The following DAB1 variants were observed in gnomAD, a reference collection of about 807,000 sequenced individuals.
DAB1 encodes the protein DAB adaptor protein 1, also known as disabled homolog 1.
A neutral mutation model predicts 64.6 loss-of-function variants in DAB1; 15 were observed. That is an observed-to-expected ratio of 0.23 (90% CI 0.16 to 0.36). The LOEUF (loss-of-function observed/expected upper bound fraction) is 0.36, where lower values mean the gene tolerates loss of function less well. Among genes scored for constraint, DAB1 ranks in the 10% least tolerant of loss-of-function variants. The probability of loss-of-function intolerance (pLI) is 1.00; values close to 1 mark genes in which losing one functional copy is unlikely to be tolerated. For missense variants in DAB1, 596 were observed against 706.7 expected, an observed-to-expected ratio of 0.84 and a Z score of 1.78; for synonymous variants, 235 against 251.9, an observed-to-expected ratio of 0.93 and a Z score of 0.64.
intron 4 of DAB1, among the ~76,000 whole-genome samples, chr1:58,240,842 T>G (rs949532771): frequency 4.6e-5 from 7 of 152,152 alleles, no homozygotes; most frequent in Non-Finnish European, 8.8e-5. Flanking sequence ...AATACAAAGA[T>G]GAATAGAAAG....
intron 1 of DAB1, among the ~76,000 whole-genome samples, chr1:57,879,441 A>G (rs1557533249): frequency 6.6e-6 from 1 of 152,140 alleles, no homozygotes; most frequent in Non-Finnish European, 1.5e-5. Flanking sequence ...TTTTAAAATC[A>G]TGTTGTTGGT....
chr1:57,714,891 A>G (rs1047535633), intron 6 of DAB1, among the ~76,000 whole-genome samples: 1 of 152,198 alleles, frequency 6.6e-6, no homozygotes, highest in African/African-American at 2.4e-5. Context: ...ACAAGACTGA[A>G]AGAAAAGGGA....
chr1:57,014,822 C>T (rs903355905), intron 12 of DAB1, 61 bp downstream of exon 12: 22 of 1,412,824 alleles, frequency 1.6e-5, no homozygotes, highest in Middle Eastern at 1.9e-4. Flanking sequence ...CCAGAAACCC[C>T]GCCTCCAGAC....
At chr1:58,333,571 A>T (rs1663026674) in intron 4 of DAB1, among the ~76,000 whole-genome samples, 1 of 152,234 alleles carries the variant, frequency 6.6e-6, no homozygotes, top group Non-Finnish European at 1.5e-5. Flanking sequence ...CTTTTATTCT[A>T]ATTTCTTGCT....
intron 7 of DAB1, among the ~76,000 whole-genome samples, chr1:57,567,790 T>C (rs1022904598): frequency 6.6e-6 from 1 of 152,154 alleles, no homozygotes; most frequent in South Asian, 2.1e-4. Flanking sequence ...CACAAACAAA[T>C]GGAAGAACAT....
At chr1:57,098,813 T>C (rs1441993728) in intron 4 of DAB1, among the ~76,000 whole-genome samples, 1 of 152,214 alleles carries the variant, frequency 6.6e-6, no homozygotes, top group African/African-American at 2.4e-5. Flanking sequence ...CTAATCTTGA[T>C]TGCCCTGGGG....
chr1:57,548,379 C>T (rs1249791358), intron 7 of DAB1, among the ~76,000 whole-genome samples: 2 of 152,214 alleles, frequency 1.3e-5, no homozygotes, highest in Admixed American at 6.5e-5. Flanking sequence ...CCCATGACAG[C>T]GTTCACATTC....
chr1:57,424,333 A>ACGAGCGAGCGAGCGAG (rs548471057), upstream of DAB1, among the ~76,000 whole-genome samples: 6 of 144,904 alleles, frequency 4.1e-5, no homozygotes, highest in South Asian at 5.1e-4. Flanking sequence ...AGGTGGAAGA[A>ACGAGCGAGCGAGCGAG]CGAGCGAGCG....
At chr1:58,398,572 A>G (rs781245496) in intron 3 of DAB1, among the ~76,000 whole-genome samples, 2 of 152,256 alleles carry the variant, frequency 1.3e-5, no homozygotes, top group Non-Finnish European at 2.9e-5. Context: ...GAGAGCAGTT[A>G]CCACATTTTA....
rs567254374 is a variant in DAB1 at position 57,015,321 on chromosome 1, C to T, written c.1006G>A (p.Ala336Thr). Residue 336 changes from alanine to threonine, a missense_variant, in exon 12 of 15, where the codon GCT (alanine) becomes ACT (threonine). This residue lies in a region of DAB1 where 377 missense variants were observed against 400.4 expected (regional missense o/e 0.94). Transcript: ENST00000371236. ...GGCTGGCCCCATGCGATGGGCTGAG[C>T]CCCCGGCATCACCTGAGCGACTGGT... ...QPPVAQVMPG[A>T]QPIAWGQPGL... is the part of the protein sequence containing the mutation. 5.6e-6 allele frequency: 9 copies of T among 1,613,876 alleles called. No homozygotes were observed. Among genetic ancestry groups the T allele is most frequent in the Non-Finnish European group, 7.6e-6 (9 of 1,180,002 alleles).
chr1:57,641,866 C>T (rs1646134826), intron 7 of DAB1, among the ~76,000 whole-genome samples: 1 of 152,070 alleles, frequency 6.6e-6, no homozygotes, highest in African/African-American at 2.4e-5. Context: ...ACTTAGAGAT[C>T]ACCTCCTCAA....
At chr1:57,754,015 A>C (rs757017675) in intron 6 of DAB1, among the ~76,000 whole-genome samples, 22 of 152,220 alleles carry the variant, frequency 1.4e-4, no homozygotes, top group Non-Finnish European at 2.5e-4. Flanking sequence ...CAGAGAGTGA[A>C]CTAACTTGCC....
chr1:58,026,416 C>G (rs945161256), intron 5 of DAB1, among the ~76,000 whole-genome samples: 9 of 151,900 alleles, frequency 5.9e-5, no homozygotes, highest in Non-Finnish European at 5.9e-5. Flanking sequence ...TTTTTTCATC[C>G]CTGAGTGAGG....
chr1:57,811,660 A>G (rs1651628952), intron 6 of DAB1, among the ~76,000 whole-genome samples: 1 of 152,212 alleles, frequency 6.6e-6, no homozygotes, highest in Admixed American at 6.5e-5. Context: ...GAATATGTTC[A>G]GGAACCACTA....
chr1:57,654,208 A>AAAAT (rs1196164595), intron 6 of DAB1, among the ~76,000 whole-genome samples: 6 of 152,192 alleles, frequency 3.9e-5, no homozygotes, highest in Admixed American at 2.0e-4. Context: ...ACACACACCA[A>AAAAT]AAATAAATAA....
chr1:57,580,397 C>G (rs1036754864), intron 7 of DAB1, among the ~76,000 whole-genome samples: 7 of 152,080 alleles, frequency 4.6e-5, no homozygotes, highest in African/African-American at 1.7e-4. Flanking sequence ...CAATCTGGTT[C>G]CTGATACCAC....
chr1:57,115,975 C>T (rs1656068389), intron 4 of DAB1, among the ~76,000 whole-genome samples: 3 of 152,134 alleles, frequency 2.0e-5, no homozygotes, highest in South Asian at 4.1e-4. Context: ...AACAGTCATT[C>T]CTGCCTCCAT....
chr1:58,043,111 A>G (rs970371608), intron 5 of DAB1, among the ~76,000 whole-genome samples: 2 of 152,216 alleles, frequency 1.3e-5, no homozygotes, highest in African/African-American at 4.8e-5. Flanking sequence ...AATCACCAAA[A>G]TGTTAATGTA....
intron 7 of DAB1, among the ~76,000 whole-genome samples, chr1:57,500,519 T>C (rs1644278540): frequency 6.6e-6 from 1 of 152,202 alleles, no homozygotes; most frequent in Non-Finnish European, 1.5e-5. Flanking sequence ...GCCCAGCTAT[T>C]AGTTTTTTTG....
Sources: allele counts gnomAD v4.1 joint callset (sites outside exome capture counted in the v4.1 genomes callset), GRCh38; gene constraint gnomAD v4.1.1; regional missense constraint gnomAD v4.1.1; transcripts MANE v1.5; gene names NCBI Gene and HGNC (gene_info 2026-07-23, HGNC 2026-07-21).